Variants in WHAMM observed in about 807,000 individuals in gnomAD.
WHAMM encodes WASP homolog associated with actin, golgi membranes and microtubules.
A neutral mutation model predicts 76.5 loss-of-function variants in WHAMM; 67 were observed. That is an observed-to-expected ratio of 0.88 (90% CI 0.72 to 1.07). The LOEUF (loss-of-function observed/expected upper bound fraction) is 1.07. WHAMM is among the 50% of genes least tolerant of loss of function. The pLI is 0.00. For missense variants in WHAMM, 1,021 were observed against 1,051.1 expected, an observed-to-expected ratio of 0.97 and a Z score of 0.40; for synonymous variants, 419 against 422.1, an observed-to-expected ratio of 0.99 and a Z score of 0.09.
chr15:82,832,501 A>C (rs929023645), intron 9 of WHAMM, among the ~76,000 whole-genome samples: 1 of 152,200 alleles, frequency 6.6e-6, no homozygotes, highest in Non-Finnish European at 1.5e-5. Context: ...AGAGTGAAAA[A>C]TAGCTTCTCC....
At chr15:82,828,788 A>G (rs193286653) in intron 8 of WHAMM, among the ~76,000 whole-genome samples, 2 of 152,336 alleles carry the variant, frequency 1.3e-5, no homozygotes, top group Non-Finnish European at 2.9e-5. Flanking sequence ...TTCTAGTCCA[A>G]AAAAGCCCAT....
intron 5 of WHAMM, 112 bp from the exon 6 acceptor site, chr15:82,822,988 C>G: frequency 2.3e-6 from 2 of 875,450 alleles, no homozygotes; most frequent in Non-Finnish European, 3.2e-6. Context: ...GTTAATAGTG[C>G]TTCTCAGTGG....
chr15:82,825,408 G>A (rs2050914722), intron 6 of WHAMM, among the ~76,000 whole-genome samples: 1 of 151,976 alleles, frequency 6.6e-6, no homozygotes, highest in East Asian at 1.9e-4. Context: ...CAGACTTGGA[G>A]CATTAACCTT....
chr15:82,826,570 A>G, intron 7 of WHAMM, 74 bp downstream of exon 7: 1 of 1,587,826 alleles, frequency 6.3e-7, no homozygotes, highest in South Asian at 1.1e-5. Flanking sequence ...TGGAAACTGG[A>G]GTTGCGCTGC....
rs2050600494 is a variant in WHAMM, at chr15:82,810,102, C to T, written c.376C>T (p.Leu126=). 1 of 1,300,944 alleles carries T rather than the reference C, an allele frequency of 7.7e-7. No homozygotes were observed. 80.6% of individuals were successfully genotyped at this position (1,300,944 alleles called of 1,614,324 possible). The change falls in exon 1 of 10, where the codon CTG becomes TTG. Residue 126 remains leucine, a synonymous_variant. Transcript: ENST00000286760. ...GGGAWGLGLG[L]WALLWPTRAG... is the part of the protein sequence containing the mutation. ...CGGGGCCTGGGGTCTGGGGCTCGGG[C>T]TGTGGGCGCTGCTGTGGCCGACGCG...
In WHAMM at chr15:82,813,210, C is replaced by T; in HGVS notation, c.717C>T (p.Phe239=). Reference sequence around the variant, plus strand: ...TGGTTACCGTGGCAACCATGTTCTTCCAGTACTTATTGCAGCCATTTAGGG... The same window carrying T: ...TGGTTACCGTGGCAACCATGTTCTTTCAGTACTTATTGCAGCCATTTAGGG... ...QELVTVATMF[F]QYLLQPFRAM... Residue 239 remains phenylalanine, a synonymous_variant, in exon 2 of 10, where the codon TTC becomes TTT. Coordinates refer to ENST00000286760, the MANE Select transcript of WHAMM (RefSeq NM_001080435.3). 6.2e-7 allele frequency: 1 copy of T among 1,612,420 alleles called. No individual in the cohort carries two copies. The highest frequency in any genetic ancestry group is 8.5e-7 in the Non-Finnish European group (1 of 1,179,350).
Position 82,830,468 on chromosome 15 carries a change from A to G in WHAMM, c.1642-131A>G, listed in dbSNP as rs190326738. On this transcript the variant is annotated intron_variant, in intron 8 of 9. Coordinates refer to ENST00000286760, the MANE Select transcript of WHAMM (RefSeq NM_001080435.3). ...GTTCGGTAGAAAGGATGGCTGTACAAACAAGGAGTCACTTTGTGAATTAGA... is the reference window on the plus strand; with the variant it reads ...GTTCGGTAGAAAGGATGGCTGTACAGACAAGGAGTCACTTTGTGAATTAGA... The G allele has an allele frequency of 3.4e-5, 48 of 1,395,916 alleles. No individual in the cohort carries two copies. The African/African-American group carries it at 6.5e-4, about 19-fold the overall frequency. 86.5% of individuals were successfully genotyped at this position (1,395,916 alleles called of 1,614,324 possible). A position where few individuals can be genotyped will look rare whatever the true frequency, so the allele number is the denominator to read the frequency against.
At position 82,826,577 on chromosome 15, in the gene WHAMM, C is replaced by T; in HGVS notation, c.1545+81C>T. 3 of 1,584,702 alleles carry T rather than the reference C, an allele frequency of 1.9e-6. No homozygotes were observed. The East Asian group carries it at 6.7e-5, about 35-fold the overall frequency. ...TAGACTTGTGGAAACTGGAGTTGCG[C>T]TGCCCTGGACCTGCAGCTGTCAGCC... On this transcript the variant is annotated intron_variant, in intron 7 of 9. Transcript: ENST00000286760.
chr15:82,829,503 T>A (rs1012266332), intron 8 of WHAMM, among the ~76,000 whole-genome samples: 1 of 152,232 alleles, frequency 6.6e-6, no homozygotes, highest in Non-Finnish European at 1.5e-5. Flanking sequence ...TCTGCTGGCA[T>A]GGTCTCTGAC....
At chr15:82,831,760 G>A (rs1189954770) in intron 9 of WHAMM, among the ~76,000 whole-genome samples, 1 of 152,198 alleles carries the variant, frequency 6.6e-6, no homozygotes, top group Non-Finnish European at 1.5e-5. Flanking sequence ...GCCTAAATCT[G>A]CCTAGACTTG....
Position 82,833,937 on chromosome 15 carries a change from C to T in WHAMM, c.*401C>T, listed in dbSNP as rs2051085316. ...GTATTTTTTAGTAGAGACGAGGTTT[C>T]ACCGTGTTAGCCAGGATGGTCTCGA... On this transcript the variant is annotated 3_prime_UTR_variant, in exon 10 of 10. Transcript: ENST00000286760. The T allele has an allele frequency of 2.2e-5, 4 of 180,492 alleles. No individual in the cohort carries two copies. The South Asian group carries it at 4.6e-4, about 21-fold the overall frequency. 11.2% of individuals were successfully genotyped at this position (180,492 alleles called of 1,614,324 possible). A position where few individuals can be genotyped will look rare whatever the true frequency, so the allele number is the denominator to read the frequency against.
In WHAMM at chr15:82,819,388, T is replaced by C. The variant is rs745987764; in HGVS notation, c.1170T>C (p.Tyr390=). The change falls in exon 5 of 10, where the codon TAT becomes TAC. Residue 390 remains tyrosine, a synonymous_variant. Coordinates refer to ENST00000286760, the MANE Select transcript of WHAMM (RefSeq NM_001080435.3). ...NVVDELEIQF[Y]EIQLELYEVK... is the part of the protein sequence containing the mutation. ...TAGATGAATTAGAAATACAATTTTA[T>C]GAAATTCAATTAGAACTATATGAAG... The C allele has an allele frequency of 5.9e-6, 7 of 1,186,728 alleles. No individual in the cohort carries two copies. In the South Asian group the frequency reaches 1.2e-4, roughly 21 times the overall value. The allele number at this position is 1,186,728 out of a possible 1,614,324, so 73.5% of individuals were successfully genotyped here.
chr15:82,820,977 C>A (rs1468614868), intron 5 of WHAMM, among the ~76,000 whole-genome samples: 3 of 151,604 alleles, frequency 2.0e-5, no homozygotes, highest in Non-Finnish European at 4.4e-5. Flanking sequence ...AGACTCATGC[C>A]ATTCTTTTGC....
At chr15:82,826,523 CTA>C (rs759511448) in intron 7 of WHAMM, 27 bp downstream of exon 7, 22 of 1,606,996 alleles carry the variant, frequency 1.4e-5, no homozygotes, top group Admixed American at 6.7e-5. Context: ...GGAAAATGTT[CTA>C]TGTTTGTGTA....
chr15:82,811,377 G>T (rs2151555125), intron 1 of WHAMM, among the ~76,000 whole-genome samples: 1 of 152,260 alleles, frequency 6.6e-6, no homozygotes, highest in East Asian at 1.9e-4. Context: ...ATATCATTTT[G>T]TATCAGACTT....
intron 7 of WHAMM, 91 bp from the exon 8 acceptor site, chr15:82,826,660 G>T: frequency 1.3e-6 from 2 of 1,537,108 alleles, no homozygotes; most frequent in Non-Finnish European, 1.7e-6. Context: ...TTGGGGTACA[G>T]CCTCTTTCTT....
intron 4 of WHAMM, among the ~76,000 whole-genome samples, chr15:82,818,759 C>T (rs1184871934): frequency 6.6e-6 from 1 of 152,174 alleles, no homozygotes; most frequent in Non-Finnish European, 1.5e-5. Flanking sequence ...GCTTAAACAA[C>T]GGACATGTAT....
intron 1 of WHAMM, among the ~76,000 whole-genome samples, chr15:82,812,550 A>G (rs1464280666): frequency 2.0e-5 from 3 of 152,178 alleles, no homozygotes; most frequent in African/African-American, 7.2e-5. Flanking sequence ...AAAAAGGAAT[A>G]CAGCCTCACA....
intron 1 of WHAMM, among the ~76,000 whole-genome samples, chr15:82,811,678 A>G (rs1268600565): frequency 6.6e-6 from 1 of 152,230 alleles, no homozygotes; most frequent in Non-Finnish European, 1.5e-5. Context: ...TGGAAAAGCA[A>G]TTGATTCTAG....
Sources: allele counts gnomAD v4.1 joint callset (sites outside exome capture counted in the v4.1 genomes callset), GRCh38; gene constraint gnomAD v4.1.1; transcripts MANE v1.5; gene names NCBI Gene and HGNC (gene_info 2026-07-23, HGNC 2026-07-21).